Variants in TPO observed in about 807,000 individuals in gnomAD.
The protein encoded by TPO is thyroid microsomal antigen.
In TPO, 78 loss-of-function variants were observed where a neutral mutation model predicts 96.9. The observed-to-expected ratio is 0.81, with a 90% CI of 0.67 to 0.97. The LOEUF (loss-of-function observed/expected upper bound fraction) is 0.97, where lower values mean the gene tolerates loss of function less well. Among genes scored for constraint, TPO ranks in the 50% least tolerant of loss-of-function variants. TPO has a pLI of 0.00. For synonymous variants in TPO, 547 were observed against 538.0 expected (o/e 1.02, Z -0.23); for missense variants, 1,252 against 1,274.8 (o/e 0.98, Z 0.27).
intron 5 of TPO, among the ~76,000 whole-genome samples, chr2:1,450,566 T>C (rs960412440): frequency 6.6e-6 from 1 of 152,234 alleles, no homozygotes; most frequent in Admixed American, 6.5e-5. Flanking sequence ...AGATTTCCAC[T>C]GGGAAAGGAT....
chr2:1,526,028 GCCCACTGTGTGCAACCTCCCCAAATCCC>G (rs1676399332), intron 15 of TPO, among the ~76,000 whole-genome samples: 2 of 11,616 alleles, frequency 1.7e-4, no homozygotes, highest in Non-Finnish European at 3.3e-4. Context: ...CCCCAAATCC[GCCCACTGTGTGCAACCTCCCCAAATCCC>G]CCCACTGTGC....
rs535379821 is a variant in TPO at position 1,505,631 on chromosome 2, A to C, written c.2518+1552A>C. Reference sequence around the variant, plus strand: ...TTGTTTTTATTTCTTCTAAAAAAAAAGTGATAAATGATGTGAAGAACATGC... The same window carrying C: ...TTGTTTTTATTTCTTCTAAAAAAAACGTGATAAATGATGTGAAGAACATGC... On this transcript the variant is annotated intron_variant, in intron 14 of 16. Coordinates refer to ENST00000329066, the MANE Select transcript of TPO (RefSeq NM_001206744.2). Among the ~76,000 whole-genome samples, 5 of 152,026 alleles carry C rather than the reference A, an allele frequency of 3.3e-5. No individual in the cohort carries two copies. In the South Asian group the frequency reaches 1.0e-3, roughly 32 times the overall value.
At position 1,473,235 on chromosome 2, in the gene TPO, C is replaced by T. The variant is rs138957347; in HGVS notation, c.820-3851C>T. Among the ~76,000 whole-genome samples, 1,474 of 152,266 alleles carry T rather than the reference C, an allele frequency of 9.7e-3. 29 individuals carry two copies. The highest frequency in any genetic ancestry group is 0.033 in the African/African-American group (1,377 of 41,554). On this transcript the variant is annotated intron_variant, in intron 7 of 16. Coordinates refer to ENST00000329066, the MANE Select transcript of TPO (RefSeq NM_001206744.2). Reference sequence around the variant, plus strand: ...TGACCTCCTGGGTGGTATTACAGCACGGGTTTCCATTCATTTTGCACAGTG... The same window carrying T: ...TGACCTCCTGGGTGGTATTACAGCATGGGTTTCCATTCATTTTGCACAGTG...
At position 1,493,944 on chromosome 2, in the gene TPO, A is replaced by G. The variant is rs527754964; in HGVS notation, c.1911A>G (p.Gly637=). 2 of 1,614,128 alleles carry G rather than the reference A, an allele frequency of 1.2e-6. No individual in the cohort carries two copies. Among genetic ancestry groups the G allele is most frequent in the South Asian group, 1.1e-5 (1 of 91,080 alleles). Residue 637 remains glycine (G), a synonymous_variant, in exon 11 of 17, where the codon GGA becomes GGG. Coordinates refer to ENST00000329066, the MANE Select transcript of TPO (RefSeq NM_001206744.2). The stretch of plus-strand genomic sequence containing the variant: ...CTGACAACATCGATGTCTGGCTGGG[A>G]GGCTTAGCTGAAAACTTCCTCCCCA... The part of the protein sequence containing the change: ...KHPDNIDVWL[G]GLAENFLPRA...
At chr2:1,464,552 A>G (rs1668727714) in intron 7 of TPO, among the ~76,000 whole-genome samples, 1 of 152,146 alleles carries the variant, frequency 6.6e-6, no homozygotes, top group African/African-American at 2.4e-5. Flanking sequence ...CACCATATCC[A>G]CACCAACATC....
chr2:1,484,918 A>AAAT (rs1006347466), intron 9 of TPO, 64 bp downstream of exon 9: 18 of 1,593,794 alleles, frequency 1.1e-5, no homozygotes, highest in Non-Finnish European at 1.5e-5. Flanking sequence ...TAATTTTTTT[A>AAAT]AATTATATTT....
chr2:1,495,915 G>A lies in TPO; in HGVS notation c.2007-74G>A, dbSNP rs1039219936. The A allele has an allele frequency of 2.3e-5, 34 of 1,495,430 alleles. No homozygotes were observed. The South Asian group carries it at 3.6e-4, about 16-fold the overall frequency. 92.6% of individuals were successfully genotyped at this position (1,495,430 alleles called of 1,614,324 possible). On this transcript the variant is annotated intron_variant, in intron 11 of 16. Transcript: ENST00000329066. ...AGAGGCTGGCAGCACACAGCTGTGGGCAGCTGGTCTTGAGTGCCTGCCCTG... is the reference window on the plus strand; with the variant it reads ...AGAGGCTGGCAGCACACAGCTGTGGACAGCTGGTCTTGAGTGCCTGCCCTG...
rs34242408 is a variant in TPO at position 1,400,568 on chromosome 2, C to CAAAAAAAAAAAAAAA, written n.180+26172_180+26186dup. 8.9e-4 allele frequency among the ~76,000 whole-genome samples: 64 copies of CAAAAAAAAAAAAAAA among 71,598 alleles called. 3 individuals carry two copies. Among genetic ancestry groups the CAAAAAAAAAAAAAAA allele is most frequent in the African/African-American group, 3.3e-3 (60 of 18,208 alleles). 47.0% of individuals were successfully genotyped at this position (71,598 alleles called of 152,430 possible). On this transcript the variant is annotated intron_variant and non_coding_transcript_variant, in intron 1 of 5. Transcript: ENST00000497517. The stretch of plus-strand genomic sequence containing the variant: ...TGGATAAAGAAGTGAGACTCTGTCT[C>CAAAAAAAAAAAAAAA]AAAAAAAAAAAAAAAAAAAAGAAAT...
intron 8 of TPO, among the ~76,000 whole-genome samples, chr2:1,480,708 C>T (rs56017421): frequency 1.6e-4 from 20 of 125,978 alleles, no homozygotes; most frequent in Non-Finnish European, 2.9e-4. Context: ...CACACCACCT[C>T]CCTCCTCCTT....
In TPO at chr2:1,392,762, AT is replaced by A. The variant is rs1270805508; in HGVS notation, n.180+18366del. Among the ~76,000 whole-genome samples the A allele has an allele frequency of 2.6e-5, 4 of 151,914 alleles. No individual in the cohort carries two copies. In the East Asian group the frequency reaches 7.7e-4, roughly 29 times the overall value. On this transcript the variant is annotated intron_variant and non_coding_transcript_variant, in intron 1 of 5. Transcript: ENST00000497517. ...CCAGGAATTTATCCTTTTCTTCTAT[AT>A]TTTTTAGTTTATTTGTGTAGAGGTG...
At chr2:1,407,435 G>A (rs549395305) in intron 1 of TPO, among the ~76,000 whole-genome samples, 12 of 152,276 alleles carry the variant, frequency 7.9e-5, no homozygotes, top group African/African-American at 1.4e-4. Flanking sequence ...ATTGTTTCTC[G>A]AATTGACCAA....
chr2:1,389,990 A>G (rs1206372893), intron 1 of TPO, among the ~76,000 whole-genome samples: 2 of 150,616 alleles, frequency 1.3e-5, no homozygotes, highest in Admixed American at 6.6e-5. Flanking sequence ...CCTGGCATAC[A>G]AGAGGTTAAG....
At chr2:1,422,479 T>C (rs1050156889) in intron 2 of TPO, among the ~76,000 whole-genome samples, 1 of 115,598 alleles carries the variant, frequency 8.7e-6, no homozygotes, top group Non-Finnish European at 1.8e-5. Flanking sequence ...TGGTGAAGTA[T>C]TGATGCTACG....
chr2:1,497,131 GCCTCCA>G (rs985978543), intron 13 of TPO, among the ~76,000 whole-genome samples: 2 of 152,174 alleles, frequency 1.3e-5, no homozygotes, highest in African/African-American at 4.8e-5. Flanking sequence ...AGTAAGGCTC[GCCTCCA>G]CCTCCACCTC....
chr2:1,395,622 C>T (rs1662067560), intron 1 of TPO, among the ~76,000 whole-genome samples: 1 of 152,222 alleles, frequency 6.6e-6, no homozygotes, highest in Non-Finnish European at 1.5e-5. Context: ...GACTGTGTCC[C>T]CACCCACATT....
intron 15 of TPO, among the ~76,000 whole-genome samples, chr2:1,527,499 T>A (rs570395065): frequency 7.3e-6 from 1 of 136,958 alleles, no homozygotes; most frequent in South Asian, 2.5e-4. Context: ...GTGTGCGACC[T>A]CCCCAAATCC....
intron 6 of TPO, among the ~76,000 whole-genome samples, chr2:1,454,128 T>G (rs938503911): frequency 6.6e-6 from 1 of 152,186 alleles, no homozygotes; most frequent in African/African-American, 2.4e-5. Context: ...TTATCCATCA[T>G]GTGGGCTAGG....
intron 14 of TPO, among the ~76,000 whole-genome samples, chr2:1,508,029 G>C (rs1673667047): frequency 6.6e-6 from 1 of 152,090 alleles, no homozygotes; most frequent in Non-Finnish European, 1.5e-5. Flanking sequence ...GTTTGTCATA[G>C]ATAGCTCTTA....
At chr2:1,388,500 C>T (rs1378053943) in intron 1 of TPO, among the ~76,000 whole-genome samples, 1 of 152,192 alleles carries the variant, frequency 6.6e-6, no homozygotes, top group Non-Finnish European at 1.5e-5. Flanking sequence ...GGTGTAGGAC[C>T]CTCCGAGCCA....
Sources: gnomAD v4.1 joint callset for allele counts (sites outside exome capture counted in the v4.1 genomes callset) on GRCh38, gnomAD v4.1.1 for gene constraint, MANE v1.5 for transcripts, NCBI Gene and HGNC (gene_info 2026-07-23, HGNC 2026-07-21) for gene names.